Variants in SLC13A3 observed in about 807,000 individuals in gnomAD.
The protein encoded by SLC13A3 is Na(+)/dicarboxylate cotransporter 3.
SLC13A3 carries 40 observed loss-of-function variants against 59.0 expected under a neutral mutation model. That is an observed-to-expected ratio of 0.68 (90% CI 0.53 to 0.88). The LOEUF (loss-of-function observed/expected upper bound fraction) is 0.88. SLC13A3 is among the 40% of genes least tolerant of loss of function. The pLI is 0.00. For synonymous variants in SLC13A3, 317 were observed against 330.3 expected (o/e 0.96, Z 0.44); for missense variants, 699 against 783.2 (o/e 0.89, Z 1.28).
intron 1 of SLC13A3, chr20:46,613,990 C>A: frequency 2.5e-6 from 1 of 393,084 alleles, no homozygotes; most frequent in East Asian, 3.9e-5. Context: ...TGGTTCACCT[C>A]ATAGGACTGT....
At chr20:46,662,843 G>A (rs1452582641) in intron 1 of SLC13A3, among the ~76,000 whole-genome samples, 2 of 152,188 alleles carry the variant, frequency 1.3e-5, no homozygotes, top group Non-Finnish European at 2.9e-5. Context: ...ACCTTGCAAA[G>A]TTCTGAAAAT....
intron 9 of SLC13A3, among the ~76,000 whole-genome samples, chr20:46,580,049 G>A (rs559721290): frequency 1.2e-4 from 18 of 152,002 alleles, no homozygotes; most frequent in South Asian, 6.2e-4. Context: ...CACTGCAACC[G>A]GGTTCAAGCA....
intron 1 of SLC13A3, among the ~76,000 whole-genome samples, chr20:46,659,784 A>T (rs2063017804): frequency 6.6e-6 from 1 of 151,500 alleles, no homozygotes; most frequent in Admixed American, 6.6e-5. Context: ...ATGTAAAAAA[A>T]TTCCATTTAC....
intron 9 of SLC13A3, among the ~76,000 whole-genome samples, chr20:46,580,527 T>C (rs980575662): frequency 4.0e-5 from 6 of 151,400 alleles, no homozygotes; most frequent in African/African-American, 1.5e-4. Flanking sequence ...AAGTGTTACC[T>C]CCTTGTAGGC....
exon 1 of SLC13A3, chr20:46,670,132 C>A (rs1459810752): frequency 6.6e-6 from 1 of 152,148 alleles, no homozygotes; most frequent in Non-Finnish European, 1.5e-5. Context: ...GACCTTAGTG[C>A]CACTTCCCTG....
chr20:46,566,942 G>A (rs1174177591), intron 10 of SLC13A3, among the ~76,000 whole-genome samples: 4 of 151,546 alleles, frequency 2.6e-5, no homozygotes, highest in East Asian at 1.9e-4. Context: ...GTATTTATAC[G>A]CCTGTAATCC....
chr20:46,576,568 A>G (rs1277042650), intron 9 of SLC13A3, among the ~76,000 whole-genome samples: 1 of 152,190 alleles, frequency 6.6e-6, no homozygotes, highest in East Asian at 1.9e-4. Flanking sequence ...GTTAGCTGAT[A>G]GTTGCATCCA....
At chr20:46,563,318 G>A (rs1456892457) in intron 12 of SLC13A3, 96 bp downstream of exon 12, 2 of 1,386,050 alleles carry the variant, frequency 1.4e-6, no homozygotes. Context: ...ACTGGGGAGT[G>A]GGGTCAGCGT....
At chr20:46,682,232 G>C (rs979566321) in intron 1 of SLC13A3, 7 of 152,226 alleles carry the variant, frequency 4.6e-5, no homozygotes. Flanking sequence ...CGGGCCGACT[G>C]TCTGATTTGT....
chr20:46,681,844 T>C (rs2063155383), intron 1 of SLC13A3: 1 of 152,224 alleles, frequency 6.6e-6, no homozygotes. Flanking sequence ...CTCAGGTCTC[T>C]CTTCCTCTTA....
chr20:46,660,848 G>A (rs933941758), intron 1 of SLC13A3, among the ~76,000 whole-genome samples: 2 of 151,482 alleles, frequency 1.3e-5, no homozygotes, highest in Non-Finnish European at 2.9e-5. Flanking sequence ...CCTTCTCTAC[G>A]TGTTTCAAAC....
chr20:46,603,154 G>C (rs928851649), intron 3 of SLC13A3, among the ~76,000 whole-genome samples: 2 of 151,758 alleles, frequency 1.3e-5, no homozygotes, highest in Non-Finnish European at 2.9e-5. Flanking sequence ...CACCACTCCA[G>C]CCTGGGCAAC....
Position 46,591,385 on chromosome 20 carries a change from G to A in SLC13A3, c.920+1019C>T, listed in dbSNP as rs766576421. Among the ~76,000 whole-genome samples the A allele has an allele frequency of 3.3e-5, 5 of 152,152 alleles. No individual in the cohort carries two copies. In the South Asian group the frequency reaches 6.2e-4, roughly 19 times the overall value. On this transcript the variant is annotated intron_variant, in intron 6 of 12. Coordinates refer to ENST00000279027, the MANE Select transcript of SLC13A3 (RefSeq NM_022829.6). ...GGGTTCTCACTGCATACCTCTTAGC[G>A]CTGTTTTGATTTTTGAGAAGCATAT...
At chr20:46,561,157 C>T (rs2061927048) in intron 12 of SLC13A3, among the ~76,000 whole-genome samples, 3 of 152,200 alleles carry the variant, frequency 2.0e-5, no homozygotes, top group African/African-American at 4.8e-5. Flanking sequence ...AATAATGCAA[C>T]CATTTGTCTC....
chr20:46,663,016 A>G (rs1187081773), intron 1 of SLC13A3, among the ~76,000 whole-genome samples: 1 of 152,206 alleles, frequency 6.6e-6, no homozygotes, highest in Non-Finnish European at 1.5e-5. Flanking sequence ...GGGGCTGGGC[A>G]TGGTGTGTCA....
intron 10 of SLC13A3, among the ~76,000 whole-genome samples, chr20:46,573,880 T>G (rs938787271): frequency 1.3e-5 from 2 of 152,216 alleles, no homozygotes; most frequent in African/African-American, 4.8e-5. Context: ...AAATTAAAAT[T>G]GAATTAACAA....
At chr20:46,600,413 G>A (rs1253160322) in intron 3 of SLC13A3, among the ~76,000 whole-genome samples, 1 of 142,610 alleles carries the variant, frequency 7.0e-6, no homozygotes, top group Non-Finnish European at 1.5e-5. Context: ...AAAGGAGGAA[G>A]GAAGGAAGGA....
At position 46,610,525 on chromosome 20, in the gene SLC13A3, A is replaced by C; in HGVS notation, c.462T>G (p.Ile154Met). ...NTASTAMMLP[I>M]ANAILKSLFG... The stretch of plus-strand genomic sequence containing the variant: ...AGAGACTTTTCAGGATGGCATTGGC[A>C]ATGGGAAGCATCATGGCAGTGGAGG... Residue 154 changes from isoleucine (I) to methionine (M), a missense_variant, in exon 3 of 13, where the codon ATT becomes ATG. Physicochemically the swap from Ile to Met is conservative, Grantham distance 10 (BLOSUM62 1). Transcript: ENST00000279027. 6.2e-7 allele frequency: 1 copy of C among 1,614,118 alleles called. No individual in the cohort carries two copies. The highest frequency in any genetic ancestry group is 8.5e-7 in the Non-Finnish European group (1 of 1,180,000).
At chr20:46,668,609 A>C (rs894847024) in intron 1 of SLC13A3, among the ~76,000 whole-genome samples, 1 of 152,252 alleles carries the variant, frequency 6.6e-6, no homozygotes, top group South Asian at 2.1e-4. Flanking sequence ...AAGCTACACC[A>C]AGTTAACCAG....
Sources: gnomAD v4.1 joint callset for allele counts (sites outside exome capture counted in the v4.1 genomes callset) on GRCh38, gnomAD v4.1.1 for gene constraint, MANE v1.5 for transcripts, NCBI Gene and HGNC (gene_info 2026-07-23, HGNC 2026-07-21) for gene names.